UTP20: variants seen among roughly 807,000 people sequenced by gnomAD.
UTP20 encodes the protein small subunit processome component 20 homolog.
Under a neutral mutation model 329.5 loss-of-function variants are expected in UTP20, and 164 were observed. That is an observed-to-expected ratio of 0.50 (90% CI 0.44 to 0.57). The LOEUF (loss-of-function observed/expected upper bound fraction) is 0.57, where lower values mean the gene tolerates loss of function less well. Ranked by LOEUF, UTP20 falls within the 20% of genes least tolerant of loss-of-function variation. The pLI, the probability that UTP20 is intolerant of heterozygous loss-of-function variation, is 0.00. For synonymous variants in UTP20, 1,151 were observed against 1,159.3 expected (o/e 0.99, Z 0.14); for missense variants, 3,055 against 3,284.2 (o/e 0.93, Z 1.71).
intron 51 of UTP20, 99 bp downstream of exon 51, chr12:101,371,267 G>A (rs1593453162): frequency 4.6e-6 from 4 of 876,598 alleles, no homozygotes; most frequent in South Asian, 2.0e-5. Context: ...ACCACCTTGT[G>A]TCGTATTGTT....
intron 45 of UTP20, among the ~76,000 whole-genome samples, 160 bp from the exon 46 acceptor site, chr12:101,365,299 T>C (rs969824201): frequency 6.6e-6 from 1 of 152,184 alleles, no homozygotes; most frequent in Non-Finnish European, 1.5e-5. Context: ...TTTCACCTTA[T>C]ATGTTATATC....
At position 101,342,776 on chromosome 12, in the gene UTP20, T is replaced by C; in HGVS notation, c.4246-11T>C. The C allele has an allele frequency of 6.2e-7, 1 of 1,611,766 alleles. No individual in the cohort carries two copies. The highest frequency in any genetic ancestry group is 1.3e-5 in the African/African-American group (1 of 74,986). ...ATTCACTGATAAATACACTGTTTTC[T>C]TTCCTTTCAGACTCTTTCTGATTTT... On this transcript the variant is annotated splice_polypyrimidine_tract_variant and intron_variant, in intron 33 of 61. Transcript: ENST00000261637.
rs56265469 is a variant in UTP20, at chr12:101,338,877, C to T, written c.3933C>T (p.Ser1311=). The part of the protein sequence containing the change: ...PHVPAILQYL[S]KTTISAEKVK... ...TACCTGCAATTCTTCAGTATCTCAG[C>T]AAAACCACAATAAGCGCAGAAAAGG... The change falls in exon 31 of 62, where the codon AGC becomes AGT. Residue 1311 remains serine (S), a synonymous_variant. Transcript: ENST00000261637. 0.24 allele frequency: 384,971 copies of T among 1,608,622 alleles called. 47,681 individuals carry two copies. The highest frequency in any genetic ancestry group is 0.38 in the East Asian group (17,063 of 44,378).
intron 21 of UTP20, among the ~76,000 whole-genome samples, chr12:101,313,514 A>G (rs745560926): frequency 2.0e-5 from 3 of 152,210 alleles, no homozygotes; most frequent in Admixed American, 6.5e-5. Flanking sequence ...AATAGACTGT[A>G]GAATGACATT....
intron 2 of UTP20, among the ~76,000 whole-genome samples, chr12:101,282,528 G>C (rs1416659790): frequency 6.6e-6 from 1 of 152,140 alleles, no homozygotes; most frequent in East Asian, 1.9e-4. Flanking sequence ...TAAAGCTGGA[G>C]AAATAGGCAA....
At chr12:101,338,301 A>T in intron 30 of UTP20, 24 bp downstream of exon 30, 1 of 1,605,076 alleles carries the variant, frequency 6.2e-7, no homozygotes, top group Non-Finnish European at 8.5e-7. Flanking sequence ...CAAAGCAGAT[A>T]ATTCTTAGAC....
rs1260425024 is a variant in UTP20 at position 101,304,633 on chromosome 12, C to T, written c.1782-1282C>T. 3.9e-5 allele frequency among the ~76,000 whole-genome samples: 6 copies of T among 152,186 alleles called. No homozygotes were observed. The East Asian group carries it at 1.2e-3, about 29-fold the overall frequency. ...GCAAACCTGGAGACTTTCCAGCTGT[C>T]ACAGCATGGGGAAAGAGCACTGTTA... On this transcript the variant is annotated intron_variant, in intron 15 of 61. Transcript: ENST00000261637.
intron 38 of UTP20, among the ~76,000 whole-genome samples, chr12:101,346,874 C>A (rs1869342921): frequency 6.6e-6 from 1 of 152,108 alleles, no homozygotes; most frequent in African/African-American, 2.4e-5. Flanking sequence ...ATTTTTGTGT[C>A]ATAGGACTTA....
chr12:101,379,409 G>A lies in UTP20; in HGVS notation c.7435G>A (p.Val2479Met), dbSNP rs147638083. ...TCACCTGAGACATCCACACAACTGG[G>A]TGTGGCTCACAGCAGCCCAGATTTT... ...HSHLRHPHNW[V>M]WLTAAQIFGL... is the part of the protein sequence containing the mutation. The change falls in exon 57 of 62, where the codon GTG (valine) becomes ATG (methionine). Residue 2479 changes from valine to methionine, a missense_variant. Transcript: ENST00000261637. The A allele has an allele frequency of 2.0e-5, 32 of 1,613,716 alleles. No individual in the cohort carries two copies. The East Asian group carries it at 6.7e-4, about 34-fold the overall frequency.
intron 36 of UTP20, 83 bp from the exon 37 acceptor site, chr12:101,345,471 A>T (rs1220494039): frequency 3.9e-6 from 4 of 1,013,774 alleles, no homozygotes; most frequent in Non-Finnish European, 5.5e-6. Flanking sequence ...ACTTTTTAAA[A>T]TTTTATGTTT....
intron 55 of UTP20, 76 bp downstream of exon 55, chr12:101,375,015 A>G (rs1436506163): frequency 1.1e-5 from 11 of 1,013,882 alleles, no homozygotes; most frequent in Non-Finnish European, 1.5e-5. Context: ...CAGATTAGAT[A>G]TCAGCTTATA....
intron 14 of UTP20, 134 bp downstream of exon 14, chr12:101,300,195 A>G: frequency 1.1e-6 from 1 of 899,576 alleles, no homozygotes; most frequent in Non-Finnish European, 1.7e-6. Context: ...AATCTGGAAG[A>G]AATGAGGATA....
chr12:101,311,691 T>C (rs375630400), intron 19 of UTP20, 28 bp from the exon 20 acceptor site: 2 of 1,589,958 alleles, frequency 1.3e-6, no homozygotes, highest in Non-Finnish European at 1.7e-6. Context: ...ACCACACTTT[T>C]TATTTTGTGA....
chr12:101,362,644 C>T (rs1034360324), intron 44 of UTP20, among the ~76,000 whole-genome samples: 2 of 132,942 alleles, frequency 1.5e-5, no homozygotes, highest in Admixed American at 7.0e-5. Flanking sequence ...GTGGAGGTTG[C>T]AGTGAGCGCA....
At chr12:101,347,975 C>T (rs377235194) in intron 38 of UTP20, among the ~76,000 whole-genome samples, 24 of 152,120 alleles carry the variant, frequency 1.6e-4, no homozygotes, top group African/African-American at 5.1e-4. Flanking sequence ...ATTACAGGCA[C>T]CCGCCACCAC....
At chr12:101,317,003 T>C (rs1593430117) in intron 21 of UTP20, among the ~76,000 whole-genome samples, 1 of 152,218 alleles carries the variant, frequency 6.6e-6, no homozygotes. Flanking sequence ...CTGGAGATGG[T>C]AGTTCCATCT....
chr12:101,302,978 C>CT (rs760972755), intron 15 of UTP20, among the ~76,000 whole-genome samples: 65 of 151,398 alleles, frequency 4.3e-4, no homozygotes, highest in East Asian at 3.5e-3. Flanking sequence ...AATCCAGTTT[C>CT]TTTTTTTTTG....
chr12:101,341,852 C>G (rs1869149981), intron 32 of UTP20, among the ~76,000 whole-genome samples: 1 of 152,154 alleles, frequency 6.6e-6, no homozygotes, highest in African/African-American at 2.4e-5. Context: ...TTGTGGTGAG[C>G]TGAGATCATG....
At chr12:101,339,651 G>A (rs1869054974) in intron 31 of UTP20, among the ~76,000 whole-genome samples, 1 of 152,120 alleles carries the variant, frequency 6.6e-6, no homozygotes. Context: ...AGAGCAGATT[G>A]TTCGGTTTTT....
Sources: allele counts gnomAD v4.1 joint callset (sites outside exome capture counted in the v4.1 genomes callset), GRCh38; gene constraint gnomAD v4.1.1; transcripts MANE v1.5; gene names NCBI Gene and HGNC (gene_info 2026-07-23, HGNC 2026-07-21).